TLR5: variants seen among roughly 807,000 people sequenced by gnomAD.
TLR5 encodes toll-like receptor 5.
For synonymous variants in TLR5, 373 were observed against 384.4 expected, an observed-to-expected ratio of 0.97 and a Z score of 0.35; for missense variants, 944 against 999.8, an observed-to-expected ratio of 0.94 and a Z score of 0.75.
intron 3 of TLR5, among the ~76,000 whole-genome samples, chr1:223,136,093 G>A (rs1048034002): frequency 6.6e-6 from 1 of 152,146 alleles, no homozygotes; most frequent in Non-Finnish European, 1.5e-5. Context: ...CAAAGTCTTT[G>A]CCAAGTTGGG....
intron 5 of TLR5, chr1:223,128,302 C>T (rs1371952619): frequency 6.6e-6 from 1 of 152,248 alleles, no homozygotes; most frequent in Non-Finnish European, 1.5e-5. Flanking sequence ...GCCTCTAAGC[C>T]TAGCATCTCT....
At chr1:223,115,696 G>A (rs1436472207) in intron 5 of TLR5, among the ~76,000 whole-genome samples, 2 of 152,186 alleles carry the variant, frequency 1.3e-5, no homozygotes, top group Admixed American at 6.5e-5. Flanking sequence ...AAATGCAATG[G>A]AAGAAAGTAA....
chr1:223,120,468 C>T (rs1404991059), intron 5 of TLR5, among the ~76,000 whole-genome samples: 2 of 152,242 alleles, frequency 1.3e-5, no homozygotes, highest in East Asian at 1.9e-4. Flanking sequence ...ACTGATGTCT[C>T]GTGTCTCCCT....
At chr1:223,117,818 T>C (rs1571738707) in intron 5 of TLR5, among the ~76,000 whole-genome samples, 1 of 152,178 alleles carries the variant, frequency 6.6e-6, no homozygotes, top group African/African-American at 2.4e-5. Context: ...AATCAAGATG[T>C]CATGATAATG....
chr1:223,141,781 TTACATATATATATATATATA>T lies in TLR5; in HGVS notation c.-554-38_-554-19del, dbSNP rs1657854491. 6.1e-4 allele frequency: 11 copies of T among 17,946 alleles called. No individual in the cohort carries two copies. The highest frequency in any genetic ancestry group is 2.3e-3 in the African/African-American group (10 of 4,426). The allele number at this position is 17,946 out of a possible 1,614,324, so 1.1% of individuals were successfully genotyped here. On this transcript the variant is annotated intron_variant, in intron 1 of 5. Transcript: ENST00000642603. ...GAGTGAGACTGTCTCAAAAAAAAAA[TTACATATATATATATATATA>T]TATATATATATATATATATATAGAG...
At chr1:223,127,069 C>T (rs889463186) in intron 5 of TLR5, 2 of 152,196 alleles carry the variant, frequency 1.3e-5, no homozygotes, top group South Asian at 2.1e-4. Context: ...GCTTGCATTT[C>T]AGGGGTGCCT....
intron 2 of TLR5, among the ~76,000 whole-genome samples, chr1:223,140,690 C>T (rs1395642547): frequency 6.6e-6 from 1 of 152,188 alleles, no homozygotes. Flanking sequence ...TTTCATTATT[C>T]TGAGCTTCAT....
intron 1 of TLR5, 77 bp from the exon 2 acceptor site, chr1:223,141,840 G>C (rs1657883511): frequency 6.9e-6 from 1 of 145,520 alleles, no homozygotes; most frequent in African/African-American, 2.5e-5. Context: ...GAGAGAGAGA[G>C]AGAGAGAGAG....
rs1012307402 is a variant in TLR5, at chr1:223,109,739, G to C, written c.*716C>G. The C allele has an allele frequency of 6.5e-6, 1 of 153,098 alleles. No homozygotes were observed. The highest frequency in any genetic ancestry group is 1.5e-5 in the Non-Finnish European group (1 of 68,636). 9.5% of individuals were successfully genotyped at this position (153,098 alleles called of 1,614,324 possible). A position where few individuals can be genotyped will look rare whatever the true frequency, so the allele number is the denominator to read the frequency against. ...CCTGAGCAGCTGATCAATGAGGTGT[G>C]CTAGGAAACAAAGCTGAAAAGGTAG... On this transcript the variant is annotated 3_prime_UTR_variant, in exon 6 of 6. Coordinates refer to ENST00000642603, the MANE Select transcript of TLR5 (RefSeq NM_003268.6).
rs1246816356 is a variant in TLR5 at position 223,134,696 on chromosome 1, G to C, written c.-184C>G. ...AACATCCCTACCTGTCTCCAGGTTC[G>C]GACAGCGCCAACATTCTCAATTAGA... On this transcript the variant is annotated 5_prime_UTR_variant, in exon 4 of 6. Coordinates refer to ENST00000642603, the MANE Select transcript of TLR5 (RefSeq NM_003268.6). 1 of 152,276 alleles carries C rather than the reference G, an allele frequency of 6.6e-6. No homozygotes were observed. Among genetic ancestry groups the C allele is most frequent in the Non-Finnish European group, 1.5e-5 (1 of 68,024 alleles). 9.4% of individuals were successfully genotyped at this position (152,276 alleles called of 1,614,324 possible).
At chr1:223,136,525 C>G (rs1202250077) in intron 3 of TLR5, among the ~76,000 whole-genome samples, 1 of 152,124 alleles carries the variant, frequency 6.6e-6, no homozygotes, top group South Asian at 2.1e-4. Flanking sequence ...CACTCACTAC[C>G]CTTTTGGTTC....
chr1:223,131,167 T>C lies in TLR5; in HGVS notation c.-5+1308A>G, dbSNP rs1459647077. Among the ~76,000 whole-genome samples, 1 of 152,202 alleles carries C rather than the reference T, an allele frequency of 6.6e-6. No homozygotes were observed. Among genetic ancestry groups the C allele is most frequent in the East Asian group, 1.9e-4 (1 of 5,182 alleles). Reference sequence around the variant, plus strand: ...AGGGCATGACTCTGATTAGAAGTCTTCACTGACTCCTCATGCTCATATCAC... The same window carrying C: ...AGGGCATGACTCTGATTAGAAGTCTCCACTGACTCCTCATGCTCATATCAC... On this transcript the variant is annotated intron_variant, in intron 5 of 5. Transcript: ENST00000642603. The surrounding 1 kb of genome is among the most constrained non-coding windows in gnomAD (Gnocchi z 4.2).
rs1007309036 is a variant in TLR5, at chr1:223,110,193, G to T, written c.*262C>A. ...CATAATCAACACAGCAGGACAGAAC[G>T]GTATTATTGGATCTGAAAGAAAATC... On this transcript the variant is annotated 3_prime_UTR_variant, in exon 6 of 6. Transcript: ENST00000642603. The T allele has an allele frequency of 5.9e-6, 3 of 512,164 alleles. No homozygotes were observed. In the South Asian group the frequency reaches 6.4e-5, roughly 11 times the overall value. 31.7% of individuals were successfully genotyped at this position (512,164 alleles called of 1,614,324 possible).
At chr1:223,113,839 G>A (rs2102870999) in intron 5 of TLR5, among the ~76,000 whole-genome samples, 1 of 152,290 alleles carries the variant, frequency 6.6e-6, no homozygotes, top group African/African-American at 2.4e-5. Flanking sequence ...GAGGGGAGGT[G>A]GAGAAAACAG....
chr1:223,113,461 C>T (rs764137719), intron 5 of TLR5, among the ~76,000 whole-genome samples: 33 of 152,190 alleles, frequency 2.2e-4, no homozygotes, highest in Non-Finnish European at 3.7e-4. Flanking sequence ...CTGCCTCAAC[C>T]TCCCAAAGTG....
rs1187899029 is a variant in TLR5 at position 223,112,248 on chromosome 1, G to C, written c.784C>G (p.His262Asp). ...CCAAACCCGGCACCCATGATGTGGT[G>C]GGCAAGAATCAAAGAGAAGGCCTGG... ...KSQAFSLILAHHIMGAGFGFH... is the reference protein window; with the variant it reads ...KSQAFSLILADHIMGAGFGFH... Residue 262 changes from histidine to aspartate, a missense_variant, in exon 6 of 6, where the codon CAC becomes GAC. By Grantham distance (81) the His-to-Asp change is moderately conservative. Coordinates refer to ENST00000642603, the MANE Select transcript of TLR5 (RefSeq NM_003268.6). The C allele has an allele frequency of 6.2e-7, 1 of 1,614,056 alleles. No individual in the cohort carries two copies. The highest frequency in any genetic ancestry group is 8.5e-7 in the Non-Finnish European group (1 of 1,180,036).
Position 223,111,841 on chromosome 1 carries a change from T to C in TLR5, c.1191A>G (p.Thr397=), listed in dbSNP as rs760928527. ...QTLDLRDNAL[T]TIHFIPSIPD... ...GTATGCTTGGAATAAAATGAATGGT[T>C]GTAAGAGCATTGTCTCGGAGATCCA... Residue 397 remains threonine, a synonymous_variant, in exon 6 of 6, where the codon ACA becomes ACG. Transcript: ENST00000642603. 6.8e-6 allele frequency: 11 copies of C among 1,613,832 alleles called. No homozygotes were observed. The highest frequency in any genetic ancestry group is 3.3e-5 in the Admixed American group (2 of 59,990).
At chr1:223,134,179 A>G (rs1657512118) in intron 4 of TLR5, among the ~76,000 whole-genome samples, 1 of 151,538 alleles carries the variant, frequency 6.6e-6, no homozygotes, top group South Asian at 2.1e-4. Context: ...TCCGGCTTCC[A>G]GGGATCCTCC....
chr1:223,112,376 C>T lies in TLR5; in HGVS notation c.656G>A (p.Cys219Tyr). Residue 219 changes from cysteine to tyrosine, a missense_variant, in exon 6 of 6, where the codon TGT (cysteine) becomes TAT (tyrosine). Coordinates refer to ENST00000642603, the MANE Select transcript of TLR5 (RefSeq NM_003268.6). The part of the protein sequence containing the change: ...YSRVSVDWGK[C>Y]MNPFRNMVLE... Reference sequence around the variant, plus strand: ...CACCATGTTTCTGAATGGGTTCATACATTTTCCCCAGTCCACTGAGACTCT... The same window carrying T: ...CACCATGTTTCTGAATGGGTTCATATATTTTCCCCAGTCCACTGAGACTCT... The T allele has an allele frequency of 6.2e-7, 1 of 1,614,232 alleles. No homozygotes were observed. The highest frequency in any genetic ancestry group is 8.5e-7 in the Non-Finnish European group (1 of 1,180,054).
Sources: allele counts gnomAD v4.1 joint callset (sites outside exome capture counted in the v4.1 genomes callset), GRCh38; gene constraint gnomAD v4.1.1; non-coding constraint Gnocchi (gnomAD v3.1); transcripts MANE v1.5; gene names NCBI Gene and HGNC (gene_info 2026-07-23, HGNC 2026-07-21).